TFPI: variants seen among roughly 807,000 people sequenced by gnomAD.
TFPI encodes the protein tissue factor pathway inhibitor, also known as anti-convertin.
TFPI carries 15 observed loss-of-function variants against 34.6 expected under a neutral mutation model. That is an observed-to-expected ratio of 0.43 (90% CI 0.29 to 0.67). The LOEUF (loss-of-function observed/expected upper bound fraction) is 0.67. Among genes scored for constraint, TFPI ranks in the 30% least tolerant of loss-of-function variants. The pLI is 0.15. For synonymous variants in TFPI, 105 were observed against 120.1 expected (o/e 0.87, Z 0.82); for missense variants, 301 against 364.0 (o/e 0.83, Z 1.41).
At position 187,511,721 on chromosome 2, in the gene TFPI, T is replaced by C. The variant is rs529230134; in HGVS notation, c.-2-7951A>G. Among the ~76,000 whole-genome samples, 3 of 152,246 alleles carry C rather than the reference T, an allele frequency of 2.0e-5. No homozygotes were observed. In the South Asian group the frequency reaches 6.2e-4, roughly 32 times the overall value. ...AAGCCAGGGCACGCAAACCAGTTCC[T>C]GTACATAGACACTTGGTTACAGCTG... On this transcript the variant is annotated intron_variant, in intron 1 of 7. Coordinates refer to ENST00000233156, the MANE Select transcript of TFPI (RefSeq NM_006287.6).
At chr2:187,484,261 A>T (rs376649893) in intron 5 of TFPI, 45 bp from the exon 6 acceptor site, 1 of 1,551,644 alleles carries the variant, frequency 6.4e-7, no homozygotes, top group African/African-American at 1.4e-5. Flanking sequence ...CATTGTCACA[A>T]TCTCATATTT....
intron 6 of TFPI, among the ~76,000 whole-genome samples, chr2:187,477,185 A>C (rs898686126): frequency 1.3e-5 from 2 of 152,188 alleles, no homozygotes; most frequent in African/African-American, 4.8e-5. Context: ...CTGCATTTTG[A>C]TGGCAGTGAT....
rs192082516 is a variant in TFPI, at chr2:187,522,563, C to T, written c.-2-18793G>A. On this transcript the variant is annotated intron_variant, in intron 1 of 7. Coordinates refer to ENST00000233156, the MANE Select transcript of TFPI (RefSeq NM_006287.6). ...AAGAGGGCAGATCTATTTTGTCTTC[C>T]TATCACAAAACAAACAGAAAACGAA... Among the ~76,000 whole-genome samples the T allele has an allele frequency of 6.6e-3, 1,006 of 151,634 alleles. 13 individuals carry two copies. Among genetic ancestry groups the T allele is most frequent in the Non-Finnish European group, 0.011 (716 of 67,906 alleles).
intron 1 of TFPI, among the ~76,000 whole-genome samples, chr2:187,538,083 C>A (rs1484247731): frequency 6.6e-6 from 1 of 152,168 alleles, no homozygotes; most frequent in African/African-American, 2.4e-5. Context: ...AGCCAAGAAA[C>A]AACAGATGCT....
intron 1 of TFPI, among the ~76,000 whole-genome samples, chr2:187,509,125 G>T (rs1190231812): frequency 1.3e-5 from 2 of 152,114 alleles, no homozygotes; most frequent in African/African-American, 4.8e-5. Flanking sequence ...TTGAACCAGG[G>T]TTGCATCCCA....
At chr2:187,484,287 A>T in intron 5 of TFPI, 71 bp from the exon 6 acceptor site, 1 of 1,333,916 alleles carries the variant, frequency 7.5e-7, no homozygotes, top group Non-Finnish European at 1.0e-6. Context: ...CATGAAGCGT[A>T]CAACAGTTAA....
At chr2:187,502,713 T>TAA (rs1685930901) in intron 2 of TFPI, among the ~76,000 whole-genome samples, 1 of 152,176 alleles carries the variant, frequency 6.6e-6, no homozygotes, top group Admixed American at 6.5e-5. Context: ...TATACGGAAA[T>TAA]AAACTGTCCA....
At chr2:187,472,008 T>C (rs1692067483) in intron 6 of TFPI, among the ~76,000 whole-genome samples, 1 of 152,088 alleles carries the variant, frequency 6.6e-6, no homozygotes. Flanking sequence ...AAGAGAAATA[T>C]AAATTATTTA....
chr2:187,480,123 G>T (rs553321762), intron 6 of TFPI, among the ~76,000 whole-genome samples: 19 of 152,036 alleles, frequency 1.2e-4, no homozygotes, highest in Non-Finnish European at 7.4e-5. Flanking sequence ...ATTCTAGTAT[G>T]AATTCTTCTT....
chr2:187,497,488 A>G (rs1308128124), intron 2 of TFPI, among the ~76,000 whole-genome samples: 1 of 151,976 alleles, frequency 6.6e-6, no homozygotes, highest in African/African-American at 2.4e-5. Flanking sequence ...ATTCACATTC[A>G]CATATATATA....
At chr2:187,543,312 C>G (rs1229886866) in intron 1 of TFPI, among the ~76,000 whole-genome samples, 1 of 152,164 alleles carries the variant, frequency 6.6e-6, no homozygotes, top group Non-Finnish European at 1.5e-5. Flanking sequence ...CATCCATCTA[C>G]CGAATTTAAT....
chr2:187,508,215 C>T (rs1326642916), intron 1 of TFPI, among the ~76,000 whole-genome samples: 2 of 152,082 alleles, frequency 1.3e-5, no homozygotes, highest in Non-Finnish European at 2.9e-5. Flanking sequence ...TTACTGTAGC[C>T]TCATAGTATA....
chr2:187,499,782 A>G (rs550049527), intron 2 of TFPI, among the ~76,000 whole-genome samples: 70 of 152,192 alleles, frequency 4.6e-4, no homozygotes, highest in African/African-American at 1.6e-3. Context: ...CATTATCTCA[A>G]ATTGCTGTAG....
chr2:187,539,519 A>T (rs1016581761), intron 1 of TFPI, among the ~76,000 whole-genome samples: 1 of 152,210 alleles, frequency 6.6e-6, no homozygotes, highest in Admixed American at 6.5e-5. Context: ...ATTTGTGTTT[A>T]CGAGTGAAGA....
At chr2:187,516,137 A>C (rs1686991052) in intron 1 of TFPI, 1 of 152,250 alleles carries the variant, frequency 6.6e-6, no homozygotes, top group African/African-American at 2.4e-5. Flanking sequence ...TAGCCCAGCA[A>C]AAACCCAGAT....
intron 1 of TFPI, among the ~76,000 whole-genome samples, chr2:187,510,212 C>A (rs1686524740): frequency 1.3e-5 from 2 of 152,152 alleles, no homozygotes; most frequent in South Asian, 4.1e-4. Context: ...ATAAACAACC[C>A]TTCCCACCAG....
chr2:187,549,315 T>C (rs1689011244), intron 1 of TFPI, among the ~76,000 whole-genome samples: 1 of 152,136 alleles, frequency 6.6e-6, no homozygotes, highest in African/African-American at 2.4e-5. Context: ...TAGCTTTCTT[T>C]ATATGAATGT....
chr2:187,472,357 T>C (rs1490481724), intron 6 of TFPI, among the ~76,000 whole-genome samples: 1 of 152,194 alleles, frequency 6.6e-6, no homozygotes, highest in Non-Finnish European at 1.5e-5. Context: ...TGAACACCCA[T>C]GTACACTGGT....
intron 7 of TFPI, among the ~76,000 whole-genome samples, chr2:187,467,411 A>C: frequency 6.6e-6 from 1 of 152,160 alleles, no homozygotes; most frequent in South Asian, 2.1e-4. Flanking sequence ...CATTACTTTT[A>C]TATTCAGAAG....
Sources: allele counts gnomAD v4.1 joint callset (sites outside exome capture counted in the v4.1 genomes callset), GRCh38; gene constraint gnomAD v4.1.1; transcripts MANE v1.5; gene names NCBI Gene and HGNC (gene_info 2026-07-23, HGNC 2026-07-21).